The following CHSY3 variants were observed in gnomAD, a reference collection of about 807,000 sequenced individuals.
CHSY3 encodes the protein N-acetylgalactosaminyl-proteoglycan 3-beta-glucuronosyltransferase 3.
Under a neutral mutation model 67.2 loss-of-function variants are expected in CHSY3, and 35 were observed. The observed-to-expected ratio is 0.52, with a 90% CI of 0.40 to 0.69. The LOEUF (loss-of-function observed/expected upper bound fraction) is 0.69, where lower values mean the gene tolerates loss of function less well. Ranked by LOEUF, CHSY3 falls within the 30% of genes least tolerant of loss-of-function variation. The pLI, the probability that CHSY3 is intolerant of heterozygous loss-of-function variation, is 0.00. For missense variants in CHSY3, 1,069 were observed against 1,138.5 expected, an observed-to-expected ratio of 0.94 and a Z score of 0.88; for synonymous variants, 474 against 434.7, an observed-to-expected ratio of 1.09 and a Z score of -1.12.
chr5:129,972,918 A>G (rs1045321640), intron 2 of CHSY3, among the ~76,000 whole-genome samples: 13 of 151,754 alleles, frequency 8.6e-5, no homozygotes, highest in African/African-American at 3.1e-4. Context: ...CTTTTCTCCC[A>G]TGCACTGCCC....
chr5:130,134,846 C>CA (rs889093970), intron 2 of CHSY3, among the ~76,000 whole-genome samples: 1 of 148,792 alleles, frequency 6.7e-6, no homozygotes, highest in Non-Finnish European at 1.5e-5. Flanking sequence ...ACTTCCCACC[C>CA]CCCCCAATTT....
chr5:130,117,588 CATA>C (rs760557261), intron 2 of CHSY3, among the ~76,000 whole-genome samples: 1 of 152,092 alleles, frequency 6.6e-6, no homozygotes, highest in Non-Finnish European at 1.5e-5. Flanking sequence ...AAGCTTAGAG[CATA>C]ATAAACAAAT....
chr5:130,032,506 T>A (rs896856007), intron 2 of CHSY3, among the ~76,000 whole-genome samples: 4 of 152,060 alleles, frequency 2.6e-5, no homozygotes, highest in African/African-American at 9.7e-5. Flanking sequence ...ATGAAAATGG[T>A]GCATGTTGCT....
chr5:129,912,005 G>A (rs978028274), intron 2 of CHSY3, among the ~76,000 whole-genome samples: 12 of 152,174 alleles, frequency 7.9e-5, no homozygotes, highest in African/African-American at 2.9e-4. Context: ...GCAGTGAGCC[G>A]AGATAGCCCA....
At chr5:129,985,157 T>A (rs926979362) in intron 2 of CHSY3, among the ~76,000 whole-genome samples, 2 of 152,114 alleles carry the variant, frequency 1.3e-5, no homozygotes. Flanking sequence ...AGTTTTAGGT[T>A]GTACATTTAA....
At chr5:130,162,883 A>G (rs923628356) in intron 2 of CHSY3, among the ~76,000 whole-genome samples, 100 of 152,310 alleles carry the variant, frequency 6.6e-4, no homozygotes, top group African/African-American at 2.3e-3. Flanking sequence ...CAATCAACTC[A>G]GATCTAAACT....
intron 2 of CHSY3, among the ~76,000 whole-genome samples, chr5:129,973,122 T>G (rs888813389): frequency 1.6e-4 from 25 of 152,106 alleles, no homozygotes; most frequent in African/African-American, 5.8e-4. Context: ...CTTTTAGCTA[T>G]GGTGTTTATG....
intron 2 of CHSY3, among the ~76,000 whole-genome samples, chr5:130,006,926 G>A (rs1580641853): frequency 6.6e-6 from 1 of 152,248 alleles, no homozygotes; most frequent in East Asian, 1.9e-4. Flanking sequence ...GTGTCTGTCA[G>A]ACATTATGCC....
At position 129,905,078 on chromosome 5, in the gene CHSY3, C is replaced by T. The variant is rs1449244170; in HGVS notation, c.249C>T (p.Leu83=). ...CGCCGCCCCCCGCGCGCCAGGATCT[C>T]CAGGGGCCACCGCTGCCCGAGGCAG... ...EQSPPPARQD[L]QGPPLPEAAP... The change falls in exon 1 of 3, where the codon CTC becomes CTT. Residue 83 remains leucine, a synonymous_variant. Coordinates refer to ENST00000305031, the MANE Select transcript of CHSY3 (RefSeq NM_175856.5). The T allele has an allele frequency of 2.6e-6, 4 of 1,544,038 alleles. No homozygotes were observed. Among genetic ancestry groups the T allele is most frequent in the Admixed American group, 1.9e-5 (1 of 53,108 alleles).
At chr5:129,942,574 C>T (rs1761730809) in intron 2 of CHSY3, among the ~76,000 whole-genome samples, 1 of 152,158 alleles carries the variant, frequency 6.6e-6, no homozygotes, top group Admixed American at 6.5e-5. Flanking sequence ...CCCTGCCTAA[C>T]ATGATCTATG....
At chr5:130,093,696 T>C (rs543217716) in intron 2 of CHSY3, among the ~76,000 whole-genome samples, 4 of 152,284 alleles carry the variant, frequency 2.6e-5, no homozygotes, top group Non-Finnish European at 5.9e-5. Context: ...GTAAAGTCAA[T>C]ACTTTAGGCT....
At chr5:130,094,196 A>G (rs191121623) in intron 2 of CHSY3, among the ~76,000 whole-genome samples, 1 of 152,250 alleles carries the variant, frequency 6.6e-6, no homozygotes, top group Admixed American at 6.5e-5. Flanking sequence ...TGGTATTTTC[A>G]TTCCTTTTCA....
At chr5:129,959,639 A>G (rs1189514737) in intron 2 of CHSY3, among the ~76,000 whole-genome samples, 1 of 152,126 alleles carries the variant, frequency 6.6e-6, no homozygotes, top group Non-Finnish European at 1.5e-5. Flanking sequence ...ATATGCAGCT[A>G]AAGAAGCAAG....
In CHSY3 at chr5:130,184,594, A is replaced by C. The variant is rs1352748163; in HGVS notation, c.1452A>C (p.Arg484=). ...LYSAAENQPP[R]QSLSSILRTA... ...CAGCAGCTGAGAACCAGCCCCCTCG[A>C]CAGAGCCTCAGTAGCATTTTAAGAA... The change falls in exon 3 of 3, where the codon CGA becomes CGC. Residue 484 remains arginine, a synonymous_variant. Transcript: ENST00000305031. 15 of 1,612,500 alleles carry C rather than the reference A, an allele frequency of 9.3e-6. No homozygotes were observed. In the East Asian group the frequency reaches 2.2e-4, roughly 24 times the overall value.
chr5:130,137,897 G>T (rs995419334), intron 2 of CHSY3, among the ~76,000 whole-genome samples: 1 of 152,020 alleles, frequency 6.6e-6, no homozygotes, highest in Admixed American at 6.6e-5. Context: ...ACCCAACATT[G>T]TTACAACTTC....
chr5:130,173,644 T>C (rs1447775431), intron 2 of CHSY3, among the ~76,000 whole-genome samples: 4 of 152,168 alleles, frequency 2.6e-5, no homozygotes, highest in African/African-American at 9.6e-5. Flanking sequence ...TTATTTTATA[T>C]GAAAAATATG....
chr5:129,982,695 T>C (rs1763055671), intron 2 of CHSY3, among the ~76,000 whole-genome samples: 1 of 152,058 alleles, frequency 6.6e-6, no homozygotes, highest in African/African-American at 2.4e-5. Context: ...AGCTTTAAAA[T>C]TTATGTTAAT....
intron 2 of CHSY3, among the ~76,000 whole-genome samples, chr5:130,155,608 A>G (rs1272856908): frequency 6.6e-6 from 1 of 152,222 alleles, no homozygotes; most frequent in South Asian, 2.1e-4. Context: ...AGCCTTGAAA[A>G]TGCAAATCCT....
At chr5:130,073,064 A>G (rs1212251016) in intron 2 of CHSY3, among the ~76,000 whole-genome samples, 1 of 152,148 alleles carries the variant, frequency 6.6e-6, no homozygotes, top group Non-Finnish European at 1.5e-5. Context: ...TAGAGGAATA[A>G]CTTTTAGTGA....
Sources: allele counts gnomAD v4.1 joint callset (sites outside exome capture counted in the v4.1 genomes callset), GRCh38; gene constraint gnomAD v4.1.1; transcripts MANE v1.5; gene names NCBI Gene and HGNC (gene_info 2026-07-23, HGNC 2026-07-21).